LAMA3: variants seen among roughly 807,000 people sequenced by gnomAD.
LAMA3 encodes laminin subunit alpha-3.
In LAMA3, 281 loss-of-function variants were observed where a neutral mutation model predicts 402.0. The observed-to-expected ratio is 0.70, with a 90% CI of 0.63 to 0.77. The LOEUF (loss-of-function observed/expected upper bound fraction) is 0.77. Ranked by LOEUF, LAMA3 falls within the 30% of genes least tolerant of loss-of-function variation. The probability of loss-of-function intolerance (pLI) is 0.00; values close to 1 mark genes in which losing one functional copy is unlikely to be tolerated. For missense variants in LAMA3, 3,840 were observed against 4,215.5 expected (o/e 0.91, Z 2.47); for synonymous variants, 1,431 against 1,558.4 (o/e 0.92, Z 1.93).
chr18:23,933,796 C>A lies in LAMA3; in HGVS notation c.8723C>A (p.Pro2908His). 1 of 1,614,144 alleles carries A rather than the reference C, an allele frequency of 6.2e-7. No homozygotes were observed. Among genetic ancestry groups the A allele is most frequent in the Non-Finnish European group, 8.5e-7 (1 of 1,180,002 alleles). ...TCTTTTTCCAGGTTATCACTGAGTC[C>A]TGAAGTCCTAGATTTGACCAGTAAC... is the stretch of plus-strand genomic sequence containing the variant. ...NVFVQRLSLS[P>H]EVLDLTSNSL... The change falls in exon 67 of 75, where the codon CCT becomes CAT. Residue 2908 changes from proline (P) to histidine (H), a missense_variant. Transcript: ENST00000313654.
chr18:23,697,366 G>C (rs2060703358), intron 1 of LAMA3, among the ~76,000 whole-genome samples: 1 of 152,144 alleles, frequency 6.6e-6, no homozygotes, highest in East Asian at 1.9e-4. Flanking sequence ...TTTCTGGAGG[G>C]AGTTTTGGTC....
At chr18:23,890,215 A>G (rs1639858043) in intron 42 of LAMA3, 98 bp downstream of exon 42, 2 of 809,474 alleles carry the variant, frequency 2.5e-6, no homozygotes, top group Non-Finnish European at 2.1e-6. Context: ...TGCATAATAC[A>G]CAATTCCAGC....
At chr18:23,878,510 A>G (rs745328661) in intron 39 of LAMA3, among the ~76,000 whole-genome samples, 9 of 152,338 alleles carry the variant, frequency 5.9e-5, no homozygotes, top group Non-Finnish European at 1.3e-4. Context: ...ACACACACGC[A>G]CACACACACG....
intron 2 of LAMA3, among the ~76,000 whole-genome samples, chr18:23,727,815 G>A (rs1041520612): frequency 8.6e-5 from 13 of 151,838 alleles, no homozygotes; most frequent in Non-Finnish European, 1.0e-4. Context: ...CTGGAGCTTC[G>A]AACTCCAGAG....
chr18:23,710,069 A>T (rs1046430968), intron 1 of LAMA3: 5 of 759,762 alleles, frequency 6.6e-6, no homozygotes, highest in Non-Finnish European at 1.2e-5. Context: ...TGATGATAGC[A>T]TAGTGGTCAA....
At chr18:23,864,689 T>C (rs2064308763) in intron 35 of LAMA3, 96 bp from the exon 36 acceptor site, 2 of 809,720 alleles carry the variant, frequency 2.5e-6, no homozygotes, top group African/African-American at 3.3e-5. Context: ...TGTGTTTCTT[T>C]CCACACCTTG....
intron 23 of LAMA3, among the ~76,000 whole-genome samples, chr18:23,833,376 T>C (rs555624104): frequency 7.8e-6 from 1 of 128,698 alleles, no homozygotes; most frequent in Non-Finnish European, 1.6e-5. Context: ...TTTCCCTTGA[T>C]ACAATTTAAA....
intron 2 of LAMA3, among the ~76,000 whole-genome samples, chr18:23,719,026 G>A (rs973154244): frequency 5.3e-5 from 8 of 152,188 alleles, no homozygotes; most frequent in Non-Finnish European, 8.8e-5. Flanking sequence ...GGATGGAGCC[G>A]TGGTTGGGTT....
chr18:23,734,648 A>G lies in LAMA3; in HGVS notation c.448-13295A>G, dbSNP rs374195174. Among the ~76,000 whole-genome samples, 123 of 152,362 alleles carry G rather than the reference A, an allele frequency of 8.1e-4. 3 individuals carry two copies. In the South Asian group the frequency reaches 0.025, roughly 31 times the overall value. On this transcript the variant is annotated intron_variant, in intron 2 of 74. Transcript: ENST00000313654. ...AGAAAAAAAGCAAAGATTTCCTTTT[A>G]GAACTCCATGAACAGAAACTGAGAT...
chr18:23,950,259 T>G, intron 72 of LAMA3, 100 bp downstream of exon 72: 1 of 1,378,404 alleles, frequency 7.3e-7, no homozygotes, highest in Non-Finnish European at 1.0e-6. Context: ...TGGGATCCAA[T>G]CTTGTATTTA....
intron 41 of LAMA3, among the ~76,000 whole-genome samples, chr18:23,885,445 G>A (rs1432989491): frequency 2.6e-5 from 4 of 151,234 alleles, no homozygotes; most frequent in Admixed American, 1.3e-4. Context: ...TCCAAGAATG[G>A]TACTGTTCAC....
In LAMA3 at chr18:23,895,293, T is replaced by C. The variant is rs910366176; in HGVS notation, c.5613+235T>C. ...AACATTTCCAGGTGAGTTTTTCTCA[T>C]CGAGCCTTTATTTCAGTATCTTGCA... On this transcript the variant is annotated intron_variant, in intron 44 of 74. Coordinates refer to ENST00000313654, the MANE Select transcript of LAMA3 (RefSeq NM_198129.4). Among the ~76,000 whole-genome samples the C allele has an allele frequency of 2.0e-5, 3 of 152,230 alleles. No individual in the cohort carries two copies. The East Asian group carries it at 5.8e-4, about 29-fold the overall frequency.
At chr18:23,838,424 C>T (rs1042332217) in intron 25 of LAMA3, among the ~76,000 whole-genome samples, 7 of 152,138 alleles carry the variant, frequency 4.6e-5, no homozygotes, top group Non-Finnish European at 8.8e-5. Flanking sequence ...CTATCTTCCT[C>T]CCAACGGGCC....
chr18:23,739,015 C>T (rs184235868), intron 2 of LAMA3, among the ~76,000 whole-genome samples: 2 of 152,278 alleles, frequency 1.3e-5, no homozygotes, highest in African/African-American at 4.8e-5. Context: ...AAGACAGATA[C>T]CTGCACCATG....
intron 38 of LAMA3, chr18:23,873,106 C>A: frequency 6.2e-7 from 1 of 1,614,168 alleles, no homozygotes; most frequent in East Asian, 2.2e-5. Context: ...TTTGGGGCAG[C>A]CCTGGGGCAG....
At chr18:23,823,609 G>A (rs146305380) in intron 20 of LAMA3, among the ~76,000 whole-genome samples, 124 of 152,268 alleles carry the variant, frequency 8.1e-4, no homozygotes, top group African/African-American at 2.8e-3. Context: ...CAAAGGCCAT[G>A]CTTACTGTGT....
chr18:23,768,898 A>G (rs1352612516), intron 8 of LAMA3, among the ~76,000 whole-genome samples: 2 of 152,218 alleles, frequency 1.3e-5, no homozygotes, highest in Non-Finnish European at 2.9e-5. Context: ...CGGAAAACCA[A>G]ACGCCACACG....
At position 23,903,640 on chromosome 18, in the gene LAMA3, A is replaced by C. The variant is rs60817729; in HGVS notation, c.6319-293A>C. ...AATAACTATTTCTAAATCATAAAAA[A>C]GTTCTTTGGTTTACTACAACTTTAT... On this transcript the variant is annotated intron_variant, in intron 49 of 74. Transcript: ENST00000313654. Among the ~76,000 whole-genome samples, 5,901 of 152,284 alleles carry C rather than the reference A, an allele frequency of 0.039. 380 individuals carry two copies. The highest frequency in any genetic ancestry group is 0.14 in the African/African-American group (5,625 of 41,528).
chr18:23,826,545 G>C (rs924671876), intron 21 of LAMA3, among the ~76,000 whole-genome samples, 157 bp from the exon 22 acceptor site: 1 of 152,032 alleles, frequency 6.6e-6, no homozygotes, highest in African/African-American at 2.4e-5. Flanking sequence ...TTTGTGTTTC[G>C]GTGAGTCGGG....
Sources: allele counts gnomAD v4.1 joint callset (sites outside exome capture counted in the v4.1 genomes callset), GRCh38; gene constraint gnomAD v4.1.1; transcripts MANE v1.5; gene names NCBI Gene and HGNC (gene_info 2026-07-23, HGNC 2026-07-21).